Variants in MORC3 observed in about 807,000 individuals in gnomAD.
The protein encoded by MORC3 is MORC family CW-type zinc finger protein 3.
In MORC3, 31 loss-of-function variants were observed where a neutral mutation model predicts 109.1. That is an observed-to-expected ratio of 0.28 (90% CI 0.21 to 0.38). MORC3 has a LOEUF of 0.38. Among genes scored for constraint, MORC3 ranks in the 10% least tolerant of loss-of-function variants. MORC3 has a pLI of 1.00. For synonymous variants in MORC3, 395 were observed against 380.7 expected (o/e 1.04, Z -0.44); for missense variants, 867 against 1,135.8 (o/e 0.76, Z 3.40).
chr21:36,347,868 CAG>C (rs1482369411), intron 8 of MORC3: 2 of 152,002 alleles, frequency 1.3e-5, no homozygotes, highest in African/African-American at 2.4e-5. Context: ...AAGTGGAGAA[CAG>C]AGGAATGAGA....
chr21:36,369,248 C>A lies in MORC3; in HGVS notation c.1880C>A (p.Thr627Asn). Residue 627 changes from threonine to asparagine, a missense_variant, in exon 15 of 17, where the codon ACC becomes AAC. Thr to Asn is a moderately conservative substitution (Grantham distance 65). Coordinates refer to ENST00000400485, the MANE Select transcript of MORC3 (RefSeq NM_015358.3). ...EPCGQTGSTS[T>N]SSSRCDQGNT... ...TGTGGCCAGACTGGTTCAACAAGCA[C>A]CTCATCATCCCGATGCGACCAGGGA... is the stretch of plus-strand genomic sequence containing the variant. 2 of 1,614,130 alleles carry A rather than the reference C, an allele frequency of 1.2e-6. No individual in the cohort carries two copies. Among genetic ancestry groups the A allele is most frequent in the South Asian group, 2.2e-5 (2 of 91,078 alleles).
chr21:36,371,520 A>G (rs1045994308), intron 15 of MORC3, among the ~76,000 whole-genome samples: 2 of 152,226 alleles, frequency 1.3e-5, no homozygotes, highest in African/African-American at 2.4e-5. Flanking sequence ...GTTTATTACA[A>G]CATACTGAGT....
At chr21:36,326,839 C>T (rs948781020) in intron 1 of MORC3, among the ~76,000 whole-genome samples, 5 of 150,126 alleles carry the variant, frequency 3.3e-5, no homozygotes, top group African/African-American at 9.8e-5. Context: ...TTTTTGAGAC[C>T]GAGTCTCGCT....
chr21:36,337,890 T>C lies in MORC3; in HGVS notation c.404T>C (p.Leu135Ser). 1 of 1,614,160 alleles carries C rather than the reference T, an allele frequency of 6.2e-7. No individual in the cohort carries two copies. The highest frequency in any genetic ancestry group is 8.5e-7 in the Non-Finnish European group (1 of 1,180,044). Residue 135 changes from leucine to serine, a missense_variant, in exon 4 of 17, where the codon TTG becomes TCG. Transcript: ENST00000400485. ...MSVGLLSQTYLEVIKAEHVVV... is the reference protein window; with the variant it reads ...MSVGLLSQTYSEVIKAEHVVV... ...GTGGGCCTTTTGTCTCAGACCTACT[T>C]GGAAGTCATAAAAGCGGAGCATGTT...
rs1179815013 is a variant in MORC3, at chr21:36,375,236, T to C, written c.2760T>C (p.Asp920=). 6.2e-7 allele frequency: 1 copy of C among 1,613,840 alleles called. No individual in the cohort carries two copies. Among genetic ancestry groups the C allele is most frequent in the Non-Finnish European group, 8.5e-7 (1 of 1,179,760 alleles). ...LDLQQVNYDV[D]VVDEILGQVV... is the part of the protein sequence containing the mutation. The stretch of plus-strand genomic sequence containing the variant: ...TTCAGCAAGTGAATTACGATGTTGA[T>C]GTAGTTGATGAGATTTTAGGACAAG... Residue 920 remains aspartate (D), a synonymous_variant, in exon 17 of 17, where the codon GAT becomes GAC. Transcript: ENST00000400485.
chr21:36,349,299 T>G lies in MORC3; in HGVS notation c.1006-12T>G. On this transcript the variant is annotated splice_polypyrimidine_tract_variant and intron_variant, in intron 8 of 16. Transcript: ENST00000400485. ...TTATGCTTAAAATGCTGATTTCATT[T>G]TATTTTTTCAGGCAAACAACATGGG... is the stretch of plus-strand genomic sequence containing the variant. 6.3e-7 allele frequency: 1 copy of G among 1,591,802 alleles called. No homozygotes were observed.
intron 9 of MORC3, among the ~76,000 whole-genome samples, chr21:36,353,210 A>G (rs2146319360): frequency 6.6e-6 from 1 of 150,554 alleles, no homozygotes; most frequent in East Asian, 2.0e-4. Flanking sequence ...TACAAAAATT[A>G]GCTGGGCTTG....
chr21:36,333,768 T>TTG, intron 2 of MORC3, 50 bp downstream of exon 2: 1 of 838,904 alleles, frequency 1.2e-6, no homozygotes, highest in Non-Finnish European at 1.7e-6. Context: ...AATTGTAGTG[T>TTG]TTTTTTTTTT....
chr21:36,323,987 C>G (rs1021093543), intron 1 of MORC3, among the ~76,000 whole-genome samples: 1 of 151,048 alleles, frequency 6.6e-6, no homozygotes, highest in African/African-American at 2.4e-5. Context: ...GCGATTCTCC[C>G]GCCTCAGCCT....
intron 4 of MORC3, among the ~76,000 whole-genome samples, chr21:36,338,490 C>G (rs543700617): frequency 2.4e-4 from 36 of 152,026 alleles, no homozygotes; most frequent in African/African-American, 8.4e-4. Flanking sequence ...AATTTTGAGA[C>G]CAGCCCAAGC....
At chr21:36,320,434 A>T (rs1010043624) in intron 1 of MORC3, 131 bp downstream of exon 1, 1 of 902,318 alleles carries the variant, frequency 1.1e-6, no homozygotes, top group African/African-American at 1.8e-5. Context: ...GGGCCCGGGG[A>T]GGGGGCGGCC....
At chr21:36,355,257 C>G (rs536744764) in intron 9 of MORC3, among the ~76,000 whole-genome samples, 1 of 152,228 alleles carries the variant, frequency 6.6e-6, no homozygotes, top group South Asian at 2.1e-4. Context: ...CACTTGGATG[C>G]CTTTGGTATT....
At chr21:36,340,026 C>T (rs2085422732) in intron 5 of MORC3, among the ~76,000 whole-genome samples, 1 of 152,144 alleles carries the variant, frequency 6.6e-6, no homozygotes, top group African/African-American at 2.4e-5. Context: ...CACCTGTAAT[C>T]CCAGCACTTT....
chr21:36,328,589 C>A (rs973618383), intron 1 of MORC3, among the ~76,000 whole-genome samples: 2 of 152,136 alleles, frequency 1.3e-5, no homozygotes, highest in East Asian at 1.9e-4. Context: ...GACCTACTCA[C>A]CTCGGCTTCC....
intron 9 of MORC3, among the ~76,000 whole-genome samples, chr21:36,352,746 A>T (rs2085587610): frequency 6.6e-6 from 1 of 152,120 alleles, no homozygotes; most frequent in East Asian, 1.9e-4. Flanking sequence ...TCAGTCAAAG[A>T]TCCACGTATA....
chr21:36,322,855 T>C (rs2085208706), intron 1 of MORC3, among the ~76,000 whole-genome samples: 1 of 152,182 alleles, frequency 6.6e-6, no homozygotes, highest in Admixed American at 6.5e-5. Flanking sequence ...ATTTAGCTGA[T>C]GCACACTCTT....
chr21:36,360,746 G>A (rs1453508637), intron 12 of MORC3: 11 of 168,642 alleles, frequency 6.5e-5, no homozygotes, highest in Non-Finnish European at 1.3e-4. Flanking sequence ...GGATGGGTAC[G>A]ATGAGAATGT....
chr21:36,372,515 C>A lies in MORC3; in HGVS notation c.2650C>A (p.His884Asn). Reference sequence around the variant, plus strand: ...AAGTAACATTGAGGAGTCTGTAAATCATATGGATGGAGAAAGGTAATATTA... The same window carrying A: ...AAGTAACATTGAGGAGTCTGTAAATAATATGGATGGAGAAAGGTAATATTA... ...TSSNIEESVNHMDGESLKLRS... is the reference protein window; with the variant it reads ...TSSNIEESVNNMDGESLKLRS... Residue 884 changes from histidine to asparagine, a missense_variant, in exon 16 of 17, where the codon CAT (histidine) becomes AAT (asparagine). His to Asn is a moderately conservative substitution (Grantham distance 68). Around this residue, in one of 7 missense-constraint regions of MORC3, gnomAD observed 486 missense variants for 502.1 expected, o/e 0.97. Transcript: ENST00000400485. 2 of 1,583,218 alleles carry A rather than the reference C, an allele frequency of 1.3e-6. No individual in the cohort carries two copies. The highest frequency in any genetic ancestry group is 2.4e-5 in the South Asian group (2 of 84,864).
In MORC3 at chr21:36,376,440, G is replaced by A. The variant is rs1014005192; in HGVS notation, c.*1144G>A. 2 of 152,076 alleles carry A rather than the reference G, an allele frequency of 1.3e-5. No homozygotes were observed. The highest frequency in any genetic ancestry group is 2.9e-5 in the Non-Finnish European group (2 of 68,006). 9.4% of individuals were successfully genotyped at this position (152,076 alleles called of 1,614,324 possible). A position where few individuals can be genotyped will look rare whatever the true frequency, so the allele number is the denominator to read the frequency against. On this transcript the variant is annotated 3_prime_UTR_variant, in exon 17 of 17. Coordinates refer to ENST00000400485, the MANE Select transcript of MORC3 (RefSeq NM_015358.3). ...TTCATTTTGTATGTATGCTTAATAC[G>A]TGTCGGTCATATACAGTATTGAATT...
Sources: allele counts gnomAD v4.1 joint callset (sites outside exome capture counted in the v4.1 genomes callset), GRCh38; gene constraint gnomAD v4.1.1; regional missense constraint gnomAD v4.1.1; transcripts MANE v1.5; gene names NCBI Gene and HGNC (gene_info 2026-07-23, HGNC 2026-07-21).